The following P2RY8 variants were observed in gnomAD, a reference collection of about 807,000 sequenced individuals.
P2RY8 encodes S-geranylgeranyl-glutathione receptor P2RY8.
Under a neutral mutation model 10.0 loss-of-function variants are expected in P2RY8, and 6 were observed. That is an observed-to-expected ratio of 0.60 (90% confidence interval 0.33 to 1.19). The LOEUF (loss-of-function observed/expected upper bound fraction) is 1.19. P2RY8 is among the 50% of genes most tolerant of loss of function. The pLI, the probability that P2RY8 is intolerant of heterozygous loss-of-function variation, is 0.04. For synonymous variants in P2RY8, 276 were observed against 252.5 expected (o/e 1.09, Z -0.88); for missense variants, 456 against 542.0 (o/e 0.84, Z 1.58).
chrX:1,509,144 A>G (rs868409085), intron 1 of P2RY8, among the ~76,000 whole-genome samples: 2 of 116,704 alleles, frequency 1.7e-5, no homozygotes, highest in African/African-American at 6.6e-5. Flanking sequence ...TCTATCTATC[A>G]TCTATGTATC....
intron 1 of P2RY8, among the ~76,000 whole-genome samples, chrX:1,509,142 TCA>T (rs2092268534): frequency 1.4e-5 from 2 of 144,932 alleles, no homozygotes; most frequent in South Asian, 4.6e-4. Context: ...TATCTATCTA[TCA>T]TCTATGTATC....
At chrX:1,535,357 T>C (rs2092516426) in intron 1 of P2RY8, among the ~76,000 whole-genome samples, 1 of 151,306 alleles carries the variant, frequency 6.6e-6, no homozygotes, top group African/African-American at 2.4e-5. Context: ...TCGGCTAATT[T>C]TGGTATTTTT....
intron 1 of P2RY8, among the ~76,000 whole-genome samples, chrX:1,524,669 T>G (rs5948957): frequency 5.9e-5 from 3 of 51,060 alleles, no homozygotes; most frequent in East Asian, 8.9e-4. Flanking sequence ...ATCCATCCAT[T>G]CATCCATCCA....
In P2RY8 at chrX:1,509,343, TCATC is replaced by T. The variant is rs745416588; in HGVS notation, c.-25+27574_-25+27577del. Among the ~76,000 whole-genome samples, 726 of 139,990 alleles carry T rather than the reference TCATC, an allele frequency of 5.2e-3. 9 individuals are homozygous for T. Among genetic ancestry groups the T allele is most frequent in the African/African-American group, 0.015 (537 of 36,978 alleles). 91.8% of individuals were successfully genotyped at this position (139,990 alleles called of 152,430 possible). A position where few individuals can be genotyped will look rare whatever the true frequency, so the allele number is the denominator to read the frequency against. On this transcript the variant is annotated intron_variant, in intron 1 of 1. Coordinates refer to ENST00000381297, the MANE Select transcript of P2RY8 (RefSeq NM_178129.5). ...TATCCTGTATGTATTTATCTATCCA[TCATC>T]CATCCATCCATCCATCCATCCATCT...
chrX:1,529,076 A>T (rs180681937), intron 1 of P2RY8, among the ~76,000 whole-genome samples: 2 of 152,282 alleles, frequency 1.3e-5, no homozygotes, highest in East Asian at 3.9e-4. Context: ...GCAGATAAGC[A>T]TGTTTGATGA....
At chrX:1,535,032 C>T (rs1370390635) in intron 1 of P2RY8, among the ~76,000 whole-genome samples, 2 of 152,024 alleles carry the variant, frequency 1.3e-5, no homozygotes, top group Admixed American at 1.3e-4. Flanking sequence ...GTCCCATGCA[C>T]GCCTCTCTCA....
In P2RY8 at chrX:1,516,020, TAAAA is replaced by T. The variant is rs765204755; in HGVS notation, c.-25+20897_-25+20900del. ...CAATATGGTGAAACCCTGTCTCTAC[TAAAA>T]AAAAAAAAAAAAAATACTAAAAATT... On this transcript the variant is annotated intron_variant, in intron 1 of 1. Coordinates refer to ENST00000381297, the MANE Select transcript of P2RY8 (RefSeq NM_178129.5). Among the ~76,000 whole-genome samples the T allele has an allele frequency of 2.6e-3, 332 of 125,926 alleles. 4 individuals carry two copies. Among genetic ancestry groups the T allele is most frequent in the East Asian group, 8.1e-3 (34 of 4,184 alleles). 82.6% of individuals were successfully genotyped at this position (125,926 alleles called of 152,430 possible).
chrX:1,466,421 C>G lies in P2RY8; in HGVS notation c.138G>C (p.Trp46Cys). The G allele has an allele frequency of 6.2e-7, 1 of 1,613,290 alleles. No homozygotes were observed. Among genetic ancestry groups the G allele is most frequent in the Non-Finnish European group, 8.5e-7 (1 of 1,179,852 alleles). The change falls in exon 2 of 2, where the codon TGG becomes TGC. Residue 46 changes from tryptophan (W) to cysteine (C), a missense_variant. Physicochemically the swap from Trp to Cys is radical, Grantham distance 215. Coordinates refer to ENST00000381297, the MANE Select transcript of P2RY8 (RefSeq NM_178129.5). The stretch of plus-strand genomic sequence containing the variant: ...TGGGCCCCATGCGCCGGCACAGCAC[C>G]CACAGAGAGAAGAGGTTGCCCGGGA... ...VSIPGNLFSL[W>C]VLCRRMGPRS...
chrX:1,535,951 G>C (rs2092523053), intron 1 of P2RY8, among the ~76,000 whole-genome samples: 1 of 152,090 alleles, frequency 6.6e-6, no homozygotes, highest in South Asian at 2.1e-4. Context: ...GTACAAATGA[G>C]GTCTGAGGTG....
intron 1 of P2RY8, among the ~76,000 whole-genome samples, chrX:1,520,026 A>G (rs1174730193): frequency 4.9e-5 from 7 of 143,100 alleles, no homozygotes; most frequent in Admixed American, 3.4e-4. Context: ...CTGGTCCTCA[A>G]TCATCTCTCT....
rs773895319 is a variant in P2RY8 at position 1,466,562 on chromosome X, G to T, written c.-4C>A. ...CGGTGCTGTTCGGGACCTGCATCCT[G>T]GAGGGGTCCTCGCCCGGGCTCTGCA... is the stretch of plus-strand genomic sequence containing the variant. On this transcript the variant is annotated 5_prime_UTR_variant, in exon 2 of 2. Coordinates refer to ENST00000381297, the MANE Select transcript of P2RY8 (RefSeq NM_178129.5). The T allele has an allele frequency of 6.2e-7, 1 of 1,602,772 alleles. No homozygotes were observed. Among genetic ancestry groups the T allele is most frequent in the South Asian group, 1.1e-5 (1 of 90,672 alleles).
At chrX:1,470,612 T>C (rs2091772286) in intron 1 of P2RY8, among the ~76,000 whole-genome samples, 1 of 152,090 alleles carries the variant, frequency 6.6e-6, no homozygotes, top group South Asian at 2.1e-4. Flanking sequence ...GCTTCCTGTC[T>C]CTGTGGATCT....
At chrX:1,500,150 G>T (rs1476307382) in intron 1 of P2RY8, among the ~76,000 whole-genome samples, 1 of 151,858 alleles carries the variant, frequency 6.6e-6, no homozygotes, top group African/African-American at 2.4e-5. Context: ...GAGCCACCGC[G>T]CCCGGCCTGT....
At chrX:1,528,972 C>T (rs1287090535) in intron 1 of P2RY8, among the ~76,000 whole-genome samples, 1 of 152,150 alleles carries the variant, frequency 6.6e-6, no homozygotes, top group Non-Finnish European at 1.5e-5. Flanking sequence ...TTTTCAGTTC[C>T]CTTTGTTGCA....
chrX:1,467,984 A>G (rs1223416180), intron 1 of P2RY8, among the ~76,000 whole-genome samples: 2 of 150,150 alleles, frequency 1.3e-5, no homozygotes, highest in Non-Finnish European at 3.0e-5. Flanking sequence ...CCCAGCTAAC[A>G]TTTTTATTTT....
Position 1,501,730 on chromosome X carries a change from A to G in P2RY8, c.-24-35148T>C, listed in dbSNP as rs768238006. Reference sequence around the variant, plus strand: ...TGCCTCAGCCTCCCGAGTAGCTGGGATTACAGGCGCGCACCACCACGCCCG... The same window carrying G: ...TGCCTCAGCCTCCCGAGTAGCTGGGGTTACAGGCGCGCACCACCACGCCCG... On this transcript the variant is annotated intron_variant, in intron 1 of 1. Coordinates refer to ENST00000381297, the MANE Select transcript of P2RY8 (RefSeq NM_178129.5). Among the ~76,000 whole-genome samples the G allele has an allele frequency of 1.5e-3, 228 of 151,790 alleles. 3 individuals are homozygous for G. The highest frequency in any genetic ancestry group is 0.015 in the Admixed American group (226 of 15,186).
chrX:1,470,739 G>C (rs1189286919), intron 1 of P2RY8, among the ~76,000 whole-genome samples: 2 of 151,996 alleles, frequency 1.3e-5, no homozygotes, highest in Non-Finnish European at 2.9e-5. Context: ...CTGGGTCAGA[G>C]CTTGAGTCCT....
At chrX:1,467,697 T>C (rs1417690261) in intron 1 of P2RY8, among the ~76,000 whole-genome samples, 3 of 152,208 alleles carry the variant, frequency 2.0e-5, no homozygotes, top group African/African-American at 7.2e-5. Flanking sequence ...GTTTTATAGA[T>C]ATGGGGTCTT....
chrX:1,489,177 A>G (rs1317927083), intron 1 of P2RY8, among the ~76,000 whole-genome samples: 2 of 151,918 alleles, frequency 1.3e-5, no homozygotes, highest in South Asian at 2.1e-4. Context: ...GAATGAATGA[A>G]TGACACCCAG....
Sources: gnomAD v4.1 joint callset for allele counts (sites outside exome capture counted in the v4.1 genomes callset) on GRCh38, gnomAD v4.1.1 for gene constraint, MANE v1.5 for transcripts, NCBI Gene and HGNC (gene_info 2026-07-23, HGNC 2026-07-21) for gene names.